Variants in FRMD6 observed in about 807,000 individuals in gnomAD.
The protein encoded by FRMD6 is FERM domain containing 6.
FRMD6 carries 37 observed loss-of-function variants against 73.2 expected under a neutral mutation model. That is an observed-to-expected ratio of 0.51 (90% CI 0.39 to 0.66). The LOEUF (loss-of-function observed/expected upper bound fraction) is 0.66. Ranked by LOEUF, FRMD6 falls within the 30% of genes least tolerant of loss-of-function variation. FRMD6 has a pLI of 0.00. For missense variants in FRMD6, 714 were observed against 780.5 expected (o/e 0.91, Z 1.02); for synonymous variants, 273 against 282.2 (o/e 0.97, Z 0.33).
intron 2 of FRMD6, among the ~76,000 whole-genome samples, chr14:51,608,244 C>T (rs1035877699): frequency 6.6e-6 from 1 of 152,126 alleles, no homozygotes; most frequent in Non-Finnish European, 1.5e-5. Flanking sequence ...GGCTTGGGAT[C>T]CTTTGCCAGA....
the FRMD6 span, among the ~76,000 whole-genome samples, chr14:51,409,519 C>T: frequency 1.3e-5 from 2 of 152,066 alleles, no homozygotes; most frequent in African/African-American, 2.4e-5. Flanking sequence ...ACTCCTCTAA[C>T]TTCAGGCTTT....
rs137922777 is a variant in FRMD6 at position 51,522,378 on chromosome 14, G to A, written c.-210+32958G>A. 6.6e-4 allele frequency among the ~76,000 whole-genome samples: 100 copies of A among 152,244 alleles called. No homozygotes were observed. The East Asian group carries it at 0.016, about 25-fold the overall frequency. ...ACATAAATCTGAAGAACAGGGGCAC[G>A]GGTAAAATAACAAAATGATGGTCAA... On this transcript the variant is annotated intron_variant, in intron 1 of 14. Coordinates refer to the FRMD6 transcript ENST00000356218.
At chr14:51,712,638 A>G in intron 9 of FRMD6, 87 bp downstream of exon 9, 1 of 840,976 alleles carries the variant, frequency 1.2e-6, no homozygotes, top group East Asian at 2.5e-5. Context: ...TTGTTTTTAA[A>G]CAATATTGTC....
the FRMD6 span, among the ~76,000 whole-genome samples, chr14:51,467,384 A>G: frequency 6.6e-6 from 1 of 152,224 alleles, no homozygotes; most frequent in Non-Finnish European, 1.5e-5. Context: ...CAGACATAGC[A>G]ACAATCCGAT....
chr14:51,490,062 A>G (rs1882905444), intron 1 of FRMD6, among the ~76,000 whole-genome samples: 1 of 152,236 alleles, frequency 6.6e-6, no homozygotes, highest in African/African-American at 2.4e-5. Flanking sequence ...GCAAAACTAG[A>G]CAAGAAACTG....
intron 2 of FRMD6, among the ~76,000 whole-genome samples, chr14:51,591,550 A>G (rs1356751697): frequency 6.6e-6 from 1 of 152,142 alleles, no homozygotes; most frequent in Non-Finnish European, 1.5e-5. Context: ...CTAAAGATTA[A>G]TTTTACTGTT....
At position 51,722,039 on chromosome 14, in the gene FRMD6, C is replaced by T; in HGVS notation, c.1451C>T (p.Thr484Ile). 1 of 1,614,084 alleles carries T rather than the reference C, an allele frequency of 6.2e-7. No homozygotes were observed. Among genetic ancestry groups the T allele is most frequent in the Non-Finnish European group, 8.5e-7 (1 of 1,179,974 alleles). Residue 484 changes from threonine to isoleucine, a missense_variant, in exon 12 of 14, where the codon ACA (threonine) becomes ATA (isoleucine). Physicochemically the swap from Thr to Ile is moderately conservative, Grantham distance 89. Transcript: ENST00000344768. ...EVSPDMCIYI[T>I]EDMLMSRKLN... ...AGCCCAGACATGTGCATCTACATCA[C>T]AGAGGACATGCTCATGTCGCGGAAG...
At chr14:51,586,480 C>G (rs1446559757) in intron 2 of FRMD6, among the ~76,000 whole-genome samples, 1 of 152,002 alleles carries the variant, frequency 6.6e-6, no homozygotes, top group East Asian at 1.9e-4. Context: ...GGGTACTAGC[C>G]CTTTGTTGGA....
At chr14:51,585,819 C>T (rs2139687931) in intron 2 of FRMD6, among the ~76,000 whole-genome samples, 1 of 150,966 alleles carries the variant, frequency 6.6e-6, no homozygotes, top group East Asian at 1.9e-4. Flanking sequence ...ATTTGACTTT[C>T]TGTTTCTGAG....
chr14:51,635,692 G>C lies in FRMD6; in HGVS notation c.-146-53999G>C, dbSNP rs147758325. On this transcript the variant is annotated intron_variant, in intron 2 of 14. Transcript: ENST00000356218. ...AACTCAGGACAAAGGACTTCTGTGT[G>C]TCTCCTATTACCTCATATTTTTAAA... Among the ~76,000 whole-genome samples the C allele has an allele frequency of 6.2e-3, 945 of 152,260 alleles. 29 individuals carry two copies. The highest frequency in any genetic ancestry group is 0.057 in the Admixed American group (874 of 15,294).
intron 2 of FRMD6, among the ~76,000 whole-genome samples, chr14:51,570,590 G>A (rs1161576533): frequency 6.6e-6 from 1 of 152,224 alleles, no homozygotes; most frequent in East Asian, 1.9e-4. Context: ...GTCTGAAAAT[G>A]TGGTTCCCAG....
chr14:51,431,073 T>G, the FRMD6 span, among the ~76,000 whole-genome samples: 1 of 152,236 alleles, frequency 6.6e-6, no homozygotes, highest in Non-Finnish European at 1.5e-5. Flanking sequence ...CAATTGAGGT[T>G]ATTGTTTTCT....
the FRMD6 span, among the ~76,000 whole-genome samples, chr14:51,447,187 C>T: frequency 4.6e-5 from 7 of 151,962 alleles, no homozygotes; most frequent in Non-Finnish European, 8.8e-5. Context: ...TGCAGGGGTG[C>T]GGGGAGCAAC....
At position 51,612,060 on chromosome 14, in the gene FRMD6, A is replaced by G. The variant is rs143242590; in HGVS notation, c.-147+41650A>G. 1.4e-4 allele frequency among the ~76,000 whole-genome samples: 22 copies of G among 152,348 alleles called. No homozygotes were observed. In the East Asian group the frequency reaches 3.5e-3, roughly 24 times the overall value. ...ATCTTTTTCTTCTATTTATTTTTAT[A>G]GTTTTCTAGTATTCCATAATGAACA... On this transcript the variant is annotated intron_variant, in intron 2 of 14. Coordinates refer to the FRMD6 transcript ENST00000356218.
intron 1 of FRMD6, among the ~76,000 whole-genome samples, chr14:51,556,739 T>C (rs901610887): frequency 2.6e-5 from 4 of 152,192 alleles, no homozygotes; most frequent in Non-Finnish European, 5.9e-5. Context: ...ATAGTAATAT[T>C]AGCCTTATCC....
At chr14:51,443,943 GTTTTT>G in the FRMD6 span, among the ~76,000 whole-genome samples, 2 of 140,724 alleles carry the variant, frequency 1.4e-5, no homozygotes, top group Non-Finnish European at 3.0e-5. Context: ...CAAGTTGTGA[GTTTTT>G]TTTTTTTTTT....
the FRMD6 span, among the ~76,000 whole-genome samples, chr14:51,412,496 G>A: frequency 6.6e-6 from 1 of 151,788 alleles, no homozygotes; most frequent in Non-Finnish European, 1.5e-5. Context: ...AAGAGAGGGG[G>A]AGGGAAAAAC....
intron 1 of FRMD6, among the ~76,000 whole-genome samples, chr14:51,666,295 C>T (rs563415447): frequency 3.3e-5 from 5 of 152,168 alleles, no homozygotes; most frequent in East Asian, 1.9e-4. Context: ...TACTATGTGC[C>T]GTTTTATTAT....
chr14:51,626,743 T>G (rs961794994), intron 2 of FRMD6, among the ~76,000 whole-genome samples: 13 of 152,210 alleles, frequency 8.5e-5, no homozygotes, highest in Non-Finnish European at 1.3e-4. Flanking sequence ...GTGCTACTTA[T>G]CAACTGCCAC....
Sources: allele counts gnomAD v4.1 joint callset (sites outside exome capture counted in the v4.1 genomes callset), GRCh38; gene constraint gnomAD v4.1.1; transcripts MANE v1.5; gene names NCBI Gene and HGNC (gene_info 2026-07-23, HGNC 2026-07-21).